The following MKX variants were observed in gnomAD, a reference collection of about 807,000 sequenced individuals.
MKX encodes mohawk homeobox.
Under a neutral mutation model 36.0 loss-of-function variants are expected in MKX, and 13 were observed. The ratio of observed to expected loss-of-function variants is 0.36; its 90% confidence interval spans 0.24 to 0.57. The LOEUF (loss-of-function observed/expected upper bound fraction) is 0.57, where lower values mean the gene tolerates loss of function less well. Among genes scored for constraint, MKX ranks in the 20% least tolerant of loss-of-function variants. The pLI is 0.79. For missense variants in MKX, 458 were observed against 456.4 expected (o/e 1.00, Z -0.03); for synonymous variants, 176 against 178.3 (o/e 0.99, Z 0.10).
Position 27,734,521 on chromosome 10 carries a change from T to C in MKX, c.773A>G (p.Glu258Gly), listed in dbSNP as rs773650203. 47 of 1,614,090 alleles carry C rather than the reference T, an allele frequency of 2.9e-5. No homozygotes were observed. The highest frequency in any genetic ancestry group is 3.8e-5 in the Non-Finnish European group (45 of 1,180,036). Residue 258 changes from glutamate (E) to glycine (G), a missense_variant, in exon 5 of 7, where the codon GAA becomes GGA. Around this residue, in one of 3 missense-constraint regions of MKX, gnomAD observed 297 missense variants for 304.4 expected, o/e 0.98. Transcript: ENST00000419761. ...RNHSGSFSSNEFEEELVSPSS... is the reference protein window; with the variant it reads ...RNHSGSFSSNGFEEELVSPSS... ...TGGAGACACTAATTCTTCCTCAAAT[T>C]CATTGGAGCTAAAAGATCCCGAGTG...
intron 5 of MKX, among the ~76,000 whole-genome samples, chr10:27,728,011 C>T (rs1043936573): frequency 2.0e-5 from 3 of 152,162 alleles, no homozygotes; most frequent in African/African-American, 7.2e-5. Flanking sequence ...AGGTACAAGA[C>T]AAGGAATTGG....
chr10:27,675,586 T>A (rs199804323), intron 5 of MKX, 32 bp from the exon 6 acceptor site: 1 of 1,604,182 alleles, frequency 6.2e-7, no homozygotes, highest in Non-Finnish European at 8.5e-7. Context: ...CAATTATTTT[T>A]ATGTTTTTCC....
At chr10:27,692,422 T>C (rs1169253353) in intron 5 of MKX, among the ~76,000 whole-genome samples, 2 of 152,212 alleles carry the variant, frequency 1.3e-5, no homozygotes, top group African/African-American at 4.8e-5. Context: ...TATTACAAGA[T>C]ACTTCAGAAT....
intron 5 of MKX, among the ~76,000 whole-genome samples, chr10:27,685,443 ATTTTTTTTTTTTTT>A (rs529959736): frequency 8.9e-6 from 1 of 112,834 alleles, no homozygotes; most frequent in African/African-American, 3.4e-5. Context: ...CAGCAGAGTG[ATTTTTTTTTTTTTT>A]TTTTTTTTTG....
chr10:27,721,628 G>C (rs1299073692), intron 5 of MKX, among the ~76,000 whole-genome samples: 1 of 152,082 alleles, frequency 6.6e-6, no homozygotes, highest in African/African-American at 2.4e-5. Flanking sequence ...CCTGTCATGG[G>C]GAGATCAAGG....
intron 5 of MKX, among the ~76,000 whole-genome samples, chr10:27,677,210 A>C (rs1589648160): frequency 6.6e-6 from 1 of 152,272 alleles, no homozygotes; most frequent in Non-Finnish European, 1.5e-5. Flanking sequence ...TGTGCTGCAC[A>C]CAGGAAACCT....
intron 5 of MKX, 46 bp from the exon 6 acceptor site, chr10:27,675,600 C>A: frequency 6.4e-7 from 1 of 1,567,102 alleles, no homozygotes. Flanking sequence ...TTTTTCCTTT[C>A]TTTTCTCATC....
chr10:27,716,043 C>T (rs913585347), intron 5 of MKX, among the ~76,000 whole-genome samples: 10 of 152,098 alleles, frequency 6.6e-5, no homozygotes, highest in African/African-American at 1.9e-4. Flanking sequence ...GATATGAATT[C>T]GAATCATGGT....
intron 5 of MKX, among the ~76,000 whole-genome samples, chr10:27,733,945 T>G (rs1796567991): frequency 6.6e-6 from 1 of 152,336 alleles, no homozygotes; most frequent in Admixed American, 6.5e-5. Flanking sequence ...TCACAAAAGC[T>G]TGACACCCTA....
In MKX at chr10:27,724,845, C is replaced by T. The variant is rs116106160; in HGVS notation, c.838+9611G>A. Among the ~76,000 whole-genome samples the T allele has an allele frequency of 7.5e-3, 1,128 of 151,116 alleles. 13 individuals carry two copies. The highest frequency in any genetic ancestry group is 0.026 in the African/African-American group (1,077 of 41,112). On this transcript the variant is annotated intron_variant, in intron 5 of 6. Transcript: ENST00000419761. ...TAATGGTGTGGGATCTTCTGCAAAC[C>T]ATTTCTATTTCCCATAATAACCAAA...
At position 27,743,275 on chromosome 10, in the gene MKX, G is replaced by A. The variant is rs192220665; in HGVS notation, c.141C>T (p.Asp47=). The A allele has an allele frequency of 4.5e-6, 7 of 1,547,916 alleles. No individual in the cohort carries two copies. Among genetic ancestry groups the A allele is most frequent in the Admixed American group, 4.2e-5 (2 of 47,966 alleles). ...CGAGGTTGTCCTTGAGGGGCGGGCC[G>A]TCGGGAATGCCCACCTCGGGGCGGG... ...PHARPEVGIP[D]GPPLKDNLGL... is the part of the protein sequence containing the mutation. Residue 47 remains aspartate, a synonymous_variant, in exon 2 of 7, where the codon GAC becomes GAT. Coordinates refer to ENST00000419761, the MANE Select transcript of MKX (RefSeq NM_173576.3).
chr10:27,689,005 A>G (rs1836406068), intron 5 of MKX, among the ~76,000 whole-genome samples: 2 of 152,164 alleles, frequency 1.3e-5, no homozygotes, highest in Non-Finnish European at 2.9e-5. Flanking sequence ...TCCTCCATCT[A>G]TTTTCAAACT....
At chr10:27,714,181 C>T (rs941650870) in intron 5 of MKX, among the ~76,000 whole-genome samples, 3 of 152,086 alleles carry the variant, frequency 2.0e-5, no homozygotes, top group Non-Finnish European at 4.4e-5. Flanking sequence ...AATTCACAGT[C>T]GCTTCTGCTA....
chr10:27,724,520 A>C (rs1834445322), intron 5 of MKX, among the ~76,000 whole-genome samples: 2 of 151,916 alleles, frequency 1.3e-5, no homozygotes, highest in Non-Finnish European at 2.9e-5. Context: ...TTTGGGGAAG[A>C]CTCCAAACTG....
Position 27,743,270 on chromosome 10 carries a change from G to A in MKX, c.146C>T (p.Pro49Leu), listed in dbSNP as rs773863098. ...CAGGCCGAGGTTGTCCTTGAGGGGC[G>A]GGCCGTCGGGAATGCCCACCTCGGG... ...ARPEVGIPDG[P>L]PLKDNLGLRH... Residue 49 changes from proline (P) to leucine (L), a missense_variant, in exon 2 of 7, where the codon CCG (proline) becomes CTG (leucine). Pro to Leu is a moderately conservative substitution (Grantham distance 98). This residue lies in a region of MKX where 149 missense variants were observed against 114.3 expected (regional missense o/e 1.30). Coordinates refer to ENST00000419761, the MANE Select transcript of MKX (RefSeq NM_173576.3). The A allele has an allele frequency of 9.7e-6, 15 of 1,548,090 alleles. No individual in the cohort carries two copies. The South Asian group carries it at 1.6e-4, about 16-fold the overall frequency.
intron 5 of MKX, among the ~76,000 whole-genome samples, chr10:27,714,569 T>C (rs1420232331): frequency 2.6e-5 from 4 of 152,210 alleles, no homozygotes; most frequent in Admixed American, 2.6e-4. Context: ...AGTATTATAT[T>C]TTCCAGTGAT....
chr10:27,733,738 T>G (rs1377473605), intron 5 of MKX, among the ~76,000 whole-genome samples: 1 of 152,224 alleles, frequency 6.6e-6, no homozygotes, highest in Non-Finnish European at 1.5e-5. Context: ...AGAGCAAACC[T>G]CTCTGGGAAC....
At chr10:27,688,978 T>C (rs1268714989) in intron 5 of MKX, among the ~76,000 whole-genome samples, 1 of 152,230 alleles carries the variant, frequency 6.6e-6, no homozygotes, top group African/African-American at 2.4e-5. Flanking sequence ...ATCTAGAAGT[T>C]GGCTGGAAAG....
chr10:27,701,784 T>C (rs914947538), intron 5 of MKX, among the ~76,000 whole-genome samples: 3 of 143,594 alleles, frequency 2.1e-5, no homozygotes, highest in Non-Finnish European at 3.0e-5. Context: ...TAAATATACA[T>C]AATATAAAAA....
Sources: gnomAD v4.1 joint callset for allele counts (sites outside exome capture counted in the v4.1 genomes callset) on GRCh38, gnomAD v4.1.1 for gene constraint, gnomAD v4.1.1 regional missense constraint, MANE v1.5 for transcripts, NCBI Gene and HGNC (gene_info 2026-07-23, HGNC 2026-07-21) for gene names.